PLEKHA7: variants seen among roughly 807,000 people sequenced by gnomAD.
PLEKHA7 encodes the protein pleckstrin homology domain containing A7, also known as pleckstrin homology domain-containing family A member 7.
PLEKHA7 carries 104 observed loss-of-function variants against 170.0 expected under a neutral mutation model. The ratio of observed to expected loss-of-function variants is 0.61; its 90% CI spans 0.52 to 0.72. The LOEUF is 0.72. Ranked by LOEUF, PLEKHA7 falls within the 30% of genes least tolerant of loss-of-function variation. The pLI is 0.00. For synonymous variants in PLEKHA7, 648 were observed against 660.8 expected (o/e 0.98, Z 0.30); for missense variants, 1,615 against 1,671.7 (o/e 0.97, Z 0.59).
intron 3 of PLEKHA7, among the ~76,000 whole-genome samples, chr11:16,968,395 C>T (rs557250623): frequency 9.8e-5 from 15 of 152,332 alleles, no homozygotes; most frequent in Non-Finnish European, 1.8e-4. Context: ...GGCAAGCCAG[C>T]GCTGAGATCA....
chr11:16,974,991 C>T (rs1590760640), intron 3 of PLEKHA7: 1 of 739,686 alleles, frequency 1.4e-6, no homozygotes, highest in Non-Finnish European at 1.6e-6. Flanking sequence ...GAAAGTCCGG[C>T]GGGTTTTAGG....
At chr11:16,821,881 G>C (rs1850242399) in intron 10 of PLEKHA7, among the ~76,000 whole-genome samples, 1 of 152,114 alleles carries the variant, frequency 6.6e-6, no homozygotes, top group African/African-American at 2.4e-5. Context: ...ATTGAGATCT[G>C]CTTGCCCTAC....
At position 16,791,323 on chromosome 11, in the gene PLEKHA7, T is replaced by C; in HGVS notation, c.2746-124A>G. 1.1e-6 allele frequency: 1 copy of C among 928,112 alleles called. No homozygotes were observed. Among genetic ancestry groups the C allele is most frequent in the Non-Finnish European group, 1.6e-6 (1 of 622,726 alleles). 57.5% of individuals were successfully genotyped at this position (928,112 alleles called of 1,614,324 possible). On this transcript the variant is annotated intron_variant, in intron 19 of 26. Transcript: ENST00000531066. This position sits in a 1 kb window ranked among gnomAD's most constrained non-coding sequence, Gnocchi z 4.5. ...CCACATCAGAGCCACAGAACATGAC[T>C]GCCTCAGCCAAGGAGCACTCACACT...
At position 16,790,791 on chromosome 11, in the gene PLEKHA7, G is replaced by A. The variant is rs373940702; in HGVS notation, c.3052+7C>T. 4.4e-6 allele frequency: 7 copies of A among 1,607,540 alleles called. No individual in the cohort carries two copies. The highest frequency in any genetic ancestry group is 4.0e-5 in the African/African-American group (3 of 74,808). ...CCAGAGAAACTCCAGGGAGGGCCCT[G>A]CCTTACCTCTGCCTGGCAGCGTCTG... is the stretch of plus-strand genomic sequence containing the variant. On this transcript the variant is annotated splice_region_variant and intron_variant, in intron 21 of 26. Transcript: ENST00000531066.
At chr11:16,870,040 A>G (rs1197679687) in intron 4 of PLEKHA7, among the ~76,000 whole-genome samples, 1 of 152,124 alleles carries the variant, frequency 6.6e-6, no homozygotes, top group African/African-American at 2.4e-5. Flanking sequence ...CTTTTTTGGG[A>G]AAACACATCC....
rs1186777558 is a variant in PLEKHA7, at chr11:16,791,984, C to T, written c.2746-785G>A. Among the ~76,000 whole-genome samples, 2 of 152,168 alleles carry T rather than the reference C, an allele frequency of 1.3e-5. No individual in the cohort carries two copies. Among genetic ancestry groups the T allele is most frequent in the South Asian group, 2.1e-4 (1 of 4,826 alleles). ...TCCACCTCCTAAATTCCCTCTTTCT[C>T]GGTCTAATTTGGTTTTGTTTTTAAG... On this transcript the variant is annotated intron_variant, in intron 19 of 26. Coordinates refer to ENST00000531066, the MANE Select transcript of PLEKHA7 (RefSeq NM_001329630.2). This position sits in a 1 kb window ranked among gnomAD's most constrained non-coding sequence, Gnocchi z 4.5.
At chr11:16,986,236 G>T (rs985448310) in intron 3 of PLEKHA7, among the ~76,000 whole-genome samples, 1 of 152,186 alleles carries the variant, frequency 6.6e-6, no homozygotes, top group Non-Finnish European at 1.5e-5. Context: ...CCCCTGTAGG[G>T]AGAACAGGAT....
chr11:16,846,393 G>C (rs1852416323), intron 8 of PLEKHA7, among the ~76,000 whole-genome samples: 1 of 152,206 alleles, frequency 6.6e-6, no homozygotes, highest in African/African-American at 2.4e-5. Flanking sequence ...GCAGCACAGT[G>C]AACAGGGTAA....
intron 3 of PLEKHA7, among the ~76,000 whole-genome samples, chr11:16,889,234 G>A (rs987641908): frequency 1.6e-4 from 24 of 151,416 alleles, no homozygotes; most frequent in African/African-American, 5.6e-4. Context: ...TCCCCACCAT[G>A]TACCTTGTGA....
At chr11:17,011,957 C>T (rs1468485815) in intron 3 of PLEKHA7, among the ~76,000 whole-genome samples, 1 of 88,030 alleles carries the variant, frequency 1.1e-5, no homozygotes, top group Non-Finnish European at 2.5e-5. Context: ...TCTCTTTCTC[C>T]CACAGACTAT....
At chr11:17,013,268 C>A (rs1437363430) in intron 3 of PLEKHA7, 1 of 152,300 alleles carries the variant, frequency 6.6e-6, no homozygotes, top group Non-Finnish European at 1.5e-5. Context: ...ATGGACTGAT[C>A]CTACAGACCC....
At chr11:16,998,941 C>T (rs1025877325) in intron 3 of PLEKHA7, among the ~76,000 whole-genome samples, 1 of 144,586 alleles carries the variant, frequency 6.9e-6, no homozygotes, top group Non-Finnish European at 1.6e-5. Context: ...CTCCCAGCCT[C>T]ACCATACAAT....
chr11:16,925,659 C>T (rs1859468622), intron 3 of PLEKHA7, among the ~76,000 whole-genome samples: 1 of 152,216 alleles, frequency 6.6e-6, no homozygotes. Context: ...CGCTGGGCTA[C>T]GGAGCGCGCC....
chr11:16,951,139 T>C (rs1418655347), intron 3 of PLEKHA7, among the ~76,000 whole-genome samples: 3 of 152,226 alleles, frequency 2.0e-5, no homozygotes, highest in African/African-American at 4.8e-5. Flanking sequence ...TTATCATCCA[T>C]ATTGCAAAGA....
rs563284306 is a variant in PLEKHA7, at chr11:16,956,781, G to C, written c.221+57208C>G. ...TGGTGCTTCCTGCACCTGGATGAGAGACAGGAAGCAGCATATCACACTTAC... is the reference window on the plus strand; with the variant it reads ...TGGTGCTTCCTGCACCTGGATGAGACACAGGAAGCAGCATATCACACTTAC... On this transcript the variant is annotated intron_variant, in intron 3 of 26. Transcript: ENST00000531066. Among the ~76,000 whole-genome samples, 252 of 152,312 alleles carry C rather than the reference G, an allele frequency of 1.7e-3. 1 individual carries two copies. The highest frequency in any genetic ancestry group is 2.8e-3 in the Non-Finnish European group (188 of 68,036).
intron 3 of PLEKHA7, among the ~76,000 whole-genome samples, chr11:16,904,589 A>C (rs976595177): frequency 3.3e-5 from 5 of 152,222 alleles, no homozygotes; most frequent in African/African-American, 1.2e-4. Context: ...CAAAATGTTA[A>C]TTCTAAGATT....
In PLEKHA7 at chr11:16,851,272, G is replaced by A. The variant is rs2135414653; in HGVS notation, c.615C>T (p.Val205=). The stretch of plus-strand genomic sequence containing the variant: ...AGCTGGGCAAGGGGATGCTCCCGAG[G>A]ACCGCTTCTTCTCGGCTGTCTTTGA... ...FYYKDSREEA[V]LGSIPLPSYV... is the part of the protein sequence containing the mutation. Residue 205 remains valine, a synonymous_variant, in exon 8 of 27, where the codon GTC becomes GTT. Transcript: ENST00000531066. The A allele has an allele frequency of 1.2e-6, 2 of 1,611,240 alleles. No homozygotes were observed. Among genetic ancestry groups the A allele is most frequent in the Non-Finnish European group, 1.7e-6 (2 of 1,178,570 alleles).
chr11:16,960,080 C>T (rs956327307), intron 3 of PLEKHA7, among the ~76,000 whole-genome samples: 15 of 152,228 alleles, frequency 9.9e-5, no homozygotes, highest in Non-Finnish European at 1.6e-4. Flanking sequence ...TGTGCACACA[C>T]GCCTCCACAT....
intron 3 of PLEKHA7, among the ~76,000 whole-genome samples, chr11:16,936,626 T>C (rs916416759): frequency 6.6e-6 from 1 of 152,166 alleles, no homozygotes; most frequent in African/African-American, 2.4e-5. Context: ...TTCTCTCCAG[T>C]GGCTTTTATG....
Sources: allele counts gnomAD v4.1 joint callset (sites outside exome capture counted in the v4.1 genomes callset), GRCh38; gene constraint gnomAD v4.1.1; non-coding constraint Gnocchi (gnomAD v3.1); transcripts MANE v1.5; gene names NCBI Gene and HGNC (gene_info 2026-07-23, HGNC 2026-07-21).